STK31: variants seen among roughly 807,000 people sequenced by gnomAD.
STK31 encodes the protein serine/threonine kinase 31.
STK31 carries 89 observed loss-of-function variants against 129.7 expected under a neutral mutation model. That is an observed-to-expected ratio of 0.69 (90% CI 0.58 to 0.82). STK31 has a LOEUF of 0.82. Among genes scored for constraint, STK31 ranks in the 40% least tolerant of loss-of-function variants. STK31 has a pLI of 0.00. For synonymous variants in STK31, 448 were observed against 395.3 expected (o/e 1.13, Z -1.58); for missense variants, 1,187 against 1,176.4 (o/e 1.01, Z -0.13).
rs553318687 is a variant in STK31, at chr7:23,791,892, C to T, written c.2760+946C>T. On this transcript the variant is annotated intron_variant, in intron 22 of 23. Transcript: ENST00000355870. Reference sequence around the variant, plus strand: ...CAAGTACTGAGTTCTGCTGCTATAGCATGAAAGCAGCCATAGACAGTATGT... The same window carrying T: ...CAAGTACTGAGTTCTGCTGCTATAGTATGAAAGCAGCCATAGACAGTATGT... 2.0e-5 allele frequency among the ~76,000 whole-genome samples: 3 copies of T among 152,308 alleles called. No homozygotes were observed. In the South Asian group the frequency reaches 6.2e-4, roughly 32 times the overall value.
chr7:23,781,393 A>G (rs1305066312), intron 15 of STK31, 26 bp from the exon 16 acceptor site: 1 of 1,559,064 alleles, frequency 6.4e-7, no homozygotes, highest in Non-Finnish European at 8.8e-7. Context: ...ATGTTAATAA[A>G]AAACACTTTT....
rs530222799 is a variant in STK31 at position 23,819,596 on chromosome 7, G to A, written c.2829+4384G>A. 7.2e-5 allele frequency among the ~76,000 whole-genome samples: 11 copies of A among 152,180 alleles called. No individual in the cohort carries two copies. The South Asian group carries it at 8.3e-4, about 11-fold the overall frequency. ...TGCCCAGCTAATTTTTGTATTTTTG[G>A]TTGAGACAGAGTTTTGCCATGTTGG... is the stretch of plus-strand genomic sequence containing the variant. On this transcript the variant is annotated intron_variant, in intron 23 of 23. Coordinates refer to ENST00000355870, the MANE Select transcript of STK31 (RefSeq NM_031414.5).
chr7:23,730,878 A>ATATATATATATATTTT, intron 6 of STK31, among the ~76,000 whole-genome samples: 7 of 59,540 alleles, frequency 1.2e-4, no homozygotes, highest in South Asian at 8.2e-4. Flanking sequence ...ATATATATAT[A>ATATATATATATATTTT]TTTTTTTTTT....
chr7:23,710,658 C>T, intron 1 of STK31: 1 of 1,156,220 alleles, frequency 8.6e-7, no homozygotes, highest in Non-Finnish European at 1.1e-6. Flanking sequence ...TGTCAGAGAG[C>T]TACGTGTACC....
Position 23,762,918 on chromosome 7 carries a change from T to A in STK31, c.1411T>A (p.Leu471Met). 2 of 1,565,020 alleles carry A rather than the reference T, an allele frequency of 1.3e-6. No homozygotes were observed. Among genetic ancestry groups the A allele is most frequent in the South Asian group, 1.3e-5 (1 of 79,624 alleles). ...ATCTCTTAATAAACGCTTAAAAACA[T>A]TGCAGGTTGGAATTAAAAATATATT... Reference protein sequence around the residue: ...ESSLNKRLKTLQDLSVSLEAV... With the variant: ...ESSLNKRLKTMQDLSVSLEAV... Residue 471 changes from leucine (L) to methionine (M), a missense_variant, in exon 11 of 24, where the codon TTG becomes ATG. Physicochemically the swap from Leu to Met is conservative, Grantham distance 15. Coordinates refer to ENST00000355870, the MANE Select transcript of STK31 (RefSeq NM_031414.5).
At chr7:23,762,292 G>GT (rs1196408831) in intron 10 of STK31, among the ~76,000 whole-genome samples, 3 of 135,292 alleles carry the variant, frequency 2.2e-5, no homozygotes, top group African/African-American at 8.4e-5. Context: ...TTCTTTCTTG[G>GT]GTACAGGATG....
intron 22 of STK31, among the ~76,000 whole-genome samples, chr7:23,801,484 C>T (rs1378851021): frequency 6.6e-6 from 1 of 151,788 alleles, no homozygotes; most frequent in African/African-American, 2.4e-5. Flanking sequence ...TTTTTCTGGC[C>T]TGTAGCTTTT....
chr7:23,741,125 T>C (rs1224559493), intron 8 of STK31, among the ~76,000 whole-genome samples: 1 of 152,174 alleles, frequency 6.6e-6, no homozygotes, highest in African/African-American at 2.4e-5. Context: ...GGAAGTCTCT[T>C]TAAGTTGTTG....
intron 23 of STK31, among the ~76,000 whole-genome samples, chr7:23,818,247 G>A (rs1793580580): frequency 6.6e-6 from 1 of 152,034 alleles, no homozygotes; most frequent in South Asian, 2.1e-4. Flanking sequence ...TGAAAAAAAT[G>A]ATTTCATTTT....
At chr7:23,728,617 A>C (rs1368194594) in intron 5 of STK31, among the ~76,000 whole-genome samples, 1 of 152,132 alleles carries the variant, frequency 6.6e-6, no homozygotes, top group Non-Finnish European at 1.5e-5. Context: ...GTAGAGCTGG[A>C]GGTAAGGGTG....
At chr7:23,736,582 CA>C (rs1357459115) in intron 7 of STK31, among the ~76,000 whole-genome samples, 1 of 35,510 alleles carries the variant, frequency 2.8e-5, no homozygotes, top group East Asian at 4.6e-4. Flanking sequence ...ACGGGGGGAT[CA>C]CGGGGGGGGG....
At chr7:23,738,319 G>T (rs13246754) in intron 8 of STK31, among the ~76,000 whole-genome samples, 43,794 of 151,942 alleles carry the variant, frequency 0.29, 6,616 homozygotes, top group South Asian at 0.42. Flanking sequence ...CACCCTCCCA[G>T]GTCATGGATG....
intron 10 of STK31, among the ~76,000 whole-genome samples, chr7:23,757,924 G>A (rs531716628): frequency 5.4e-4 from 82 of 152,222 alleles, no homozygotes; most frequent in South Asian, 1.9e-3. Context: ...ATTAGGGAGT[G>A]GTGATGATTT....
At chr7:23,762,549 A>C (rs1789538902) in intron 10 of STK31, among the ~76,000 whole-genome samples, 2 of 152,202 alleles carry the variant, frequency 1.3e-5, no homozygotes, top group South Asian at 4.1e-4. Flanking sequence ...AAGAAAAACA[A>C]AAATTTCATT....
chr7:23,745,613 C>T (rs549855232), intron 8 of STK31, among the ~76,000 whole-genome samples: 22 of 152,336 alleles, frequency 1.4e-4, no homozygotes, highest in Non-Finnish European at 2.8e-4. Flanking sequence ...AAATGGCTCA[C>T]ACTTTGACAC....
intron 23 of STK31, among the ~76,000 whole-genome samples, chr7:23,826,897 T>G (rs1385608052): frequency 6.6e-6 from 1 of 152,198 alleles, no homozygotes; most frequent in Non-Finnish European, 1.5e-5. Flanking sequence ...AAAATTCTTT[T>G]CTTTAAGAAT....
Position 23,757,156 on chromosome 7 carries a change from C to T in STK31, c.1293+2682C>T, listed in dbSNP as rs560904040. 3.3e-5 allele frequency among the ~76,000 whole-genome samples: 5 copies of T among 152,162 alleles called. No homozygotes were observed. In the South Asian group the frequency reaches 1.0e-3, roughly 32 times the overall value. Reference sequence around the variant, plus strand: ...TGGTCGGTAGGCTGTTAATTACTACCTCAATTTCAGAGTTTTTGTTATTGG... The same window carrying T: ...TGGTCGGTAGGCTGTTAATTACTACTTCAATTTCAGAGTTTTTGTTATTGG... On this transcript the variant is annotated intron_variant, in intron 10 of 23. Coordinates refer to ENST00000355870, the MANE Select transcript of STK31 (RefSeq NM_031414.5).
At chr7:23,830,592 T>TTGTG (rs3034048) in intron 23 of STK31, among the ~76,000 whole-genome samples, 32,025 of 141,958 alleles carry the variant, frequency 0.23, 3,724 homozygotes, top group Admixed American at 0.34. Flanking sequence ...AATTTCCATG[T>TTGTG]TGTGTGTGTG....
chr7:23,783,547 G>C, intron 16 of STK31, 36 bp from the exon 17 acceptor site: 1 of 1,485,234 alleles, frequency 6.7e-7, no homozygotes, highest in Non-Finnish European at 9.2e-7. Flanking sequence ...AATATATATT[G>C]ATCTACAGTT....
Sources: gnomAD v4.1 joint callset for allele counts (sites outside exome capture counted in the v4.1 genomes callset) on GRCh38, gnomAD v4.1.1 for gene constraint, MANE v1.5 for transcripts, NCBI Gene and HGNC (gene_info 2026-07-23, HGNC 2026-07-21) for gene names.